The following PPFIA2 variants were observed in gnomAD, a reference collection of about 807,000 sequenced individuals.
PPFIA2 encodes the protein liprin-alpha-2.
Under a neutral mutation model 175.5 loss-of-function variants are expected in PPFIA2, and 46 were observed. The observed-to-expected ratio is 0.26, with a 90% CI of 0.21 to 0.34. PPFIA2 has a LOEUF of 0.34. Among genes scored for constraint, PPFIA2 ranks in the 10% least tolerant of loss-of-function variants. The pLI is 1.00. For missense variants in PPFIA2, 1,179 were observed against 1,506.1 expected (o/e 0.78, Z 3.60); for synonymous variants, 568 against 511.4 (o/e 1.11, Z -1.49).
At chr12:81,310,635 T>A (rs545449745) in intron 22 of PPFIA2, among the ~76,000 whole-genome samples, 1 of 152,258 alleles carries the variant, frequency 6.6e-6, no homozygotes, top group South Asian at 2.1e-4. Context: ...AAACTGTGTT[T>A]TAAAACTCAA....
At chr12:81,350,220 G>C (rs1023610561) in intron 17 of PPFIA2, among the ~76,000 whole-genome samples, 7 of 152,146 alleles carry the variant, frequency 4.6e-5, no homozygotes, top group Admixed American at 4.6e-4. Flanking sequence ...TCGACCATTA[G>C]CTGAACAGCC....
At chr12:81,380,043 G>A (rs536941742) in intron 9 of PPFIA2, among the ~76,000 whole-genome samples, 24 of 152,218 alleles carry the variant, frequency 1.6e-4, no homozygotes, top group African/African-American at 4.8e-4. Flanking sequence ...CAATGCTATA[G>A]GAGTATCAAG....
At chr12:81,328,812 TTC>T (rs2055417056) in intron 21 of PPFIA2, among the ~76,000 whole-genome samples, 1 of 109,238 alleles carries the variant, frequency 9.2e-6, no homozygotes, top group Non-Finnish European at 1.8e-5. Context: ...CTTTTTTTCT[TTC>T]TTTCTTTTTT....
At chr12:81,265,067 C>T (rs1037176484) in intron 30 of PPFIA2, among the ~76,000 whole-genome samples, 9 of 150,706 alleles carry the variant, frequency 6.0e-5, no homozygotes, top group Non-Finnish European at 1.3e-4. Flanking sequence ...CTGAGGTGGG[C>T]GGATCACCTG....
At chr12:81,524,601 A>T (rs2063528083) in intron 4 of PPFIA2, among the ~76,000 whole-genome samples, 1 of 152,234 alleles carries the variant, frequency 6.6e-6, no homozygotes, top group Non-Finnish European at 1.5e-5. Context: ...TTTGCCTCAG[A>T]ATGAATTGTA....
chr12:81,302,156 T>C (rs897252604), intron 22 of PPFIA2: 3 of 412,656 alleles, frequency 7.3e-6, no homozygotes, highest in Non-Finnish European at 9.6e-6. Context: ...GTTTTGTTTT[T>C]GTAGTCCAAA....
chr12:81,642,682 T>TATAATATA lies in PPFIA2; in HGVS notation c.303+34108_303+34109insTATATTAT, dbSNP rs1202577443. Among the ~76,000 whole-genome samples the TATAATATA allele has an allele frequency of 2.1e-5, 2 of 95,852 alleles. 1 individual carries two copies. Among genetic ancestry groups the TATAATATA allele is most frequent in the African/African-American group, 6.6e-5 (2 of 30,290 alleles). 62.9% of individuals were successfully genotyped at this position (95,852 alleles called of 152,430 possible). A position where few individuals can be genotyped will look rare whatever the true frequency, so the allele number is the denominator to read the frequency against. On this transcript the variant is annotated intron_variant, in intron 4 of 32. Transcript: ENST00000549396. The stretch of plus-strand genomic sequence containing the variant: ...TCTATTATATACATACATGTATGTA[T>TATAATATA]CTATTATATACATACATGTATATGT...
chr12:81,608,467 C>T (rs2060559807), intron 4 of PPFIA2, among the ~76,000 whole-genome samples: 1 of 151,962 alleles, frequency 6.6e-6, no homozygotes, highest in Admixed American at 6.6e-5. Flanking sequence ...GATTGAACTT[C>T]AGAACTTGTT....
At chr12:81,461,797 A>G (rs2054582648) in intron 4 of PPFIA2, among the ~76,000 whole-genome samples, 1 of 151,962 alleles carries the variant, frequency 6.6e-6, no homozygotes, top group African/African-American at 2.4e-5. Flanking sequence ...TGTGCCTCAA[A>G]TACTCTTCAT....
chr12:81,347,474 T>C (rs775749360), intron 18 of PPFIA2, 59 bp downstream of exon 18: 56 of 1,403,658 alleles, frequency 4.0e-5, no homozygotes, highest in Non-Finnish European at 5.6e-5. Context: ...AGTTAAGTTT[T>C]AGCTAAAGCA....
At chr12:81,272,095 C>T (rs896424850) in intron 28 of PPFIA2, among the ~76,000 whole-genome samples, 7 of 152,088 alleles carry the variant, frequency 4.6e-5, no homozygotes, top group East Asian at 1.9e-4. Context: ...TATTATGTTG[C>T]GCCATTGAAA....
intron 6 of PPFIA2, among the ~76,000 whole-genome samples, chr12:81,443,625 A>T (rs1037253984): frequency 5.9e-5 from 9 of 152,122 alleles, no homozygotes; most frequent in East Asian, 1.9e-4. Flanking sequence ...TTGTAAAAGC[A>T]TCCCTCAAGT....
chr12:81,491,961 T>C (rs1259560235), intron 4 of PPFIA2, among the ~76,000 whole-genome samples: 1 of 152,034 alleles, frequency 6.6e-6, no homozygotes, highest in East Asian at 1.9e-4. Context: ...CCTTCAATGT[T>C]TCTAAATCCT....
chr12:81,472,585 T>G (rs1229221469), intron 4 of PPFIA2: 1 of 152,196 alleles, frequency 6.6e-6, no homozygotes, highest in Non-Finnish European at 1.5e-5. Context: ...AGGGCCAGAC[T>G]CTGGACCTCA....
chr12:81,388,546 G>A (rs897247404), intron 8 of PPFIA2, among the ~76,000 whole-genome samples: 3 of 151,938 alleles, frequency 2.0e-5, no homozygotes, highest in African/African-American at 4.8e-5. Context: ...GCACTTCTAA[G>A]GTTTATGGGG....
At chr12:81,433,707 G>C (rs1289716708) in intron 7 of PPFIA2, among the ~76,000 whole-genome samples, 2 of 152,130 alleles carry the variant, frequency 1.3e-5, no homozygotes, top group African/African-American at 4.8e-5. Context: ...ACACTAGTCA[G>C]AATGAAGTGT....
At chr12:81,563,977 C>A (rs964101457) in intron 4 of PPFIA2, among the ~76,000 whole-genome samples, 1 of 152,116 alleles carries the variant, frequency 6.6e-6, no homozygotes, top group Non-Finnish European at 1.5e-5. Flanking sequence ...TAATACATAT[C>A]ATTGTGTCCA....
chr12:81,563,839 A>G (rs1166156049), intron 4 of PPFIA2, among the ~76,000 whole-genome samples: 1 of 152,210 alleles, frequency 6.6e-6, no homozygotes, highest in African/African-American at 2.4e-5. Context: ...GCTGAGAATC[A>G]TATGGTCCCA....
chr12:81,516,379 T>C (rs138747664), intron 4 of PPFIA2, among the ~76,000 whole-genome samples: 30 of 152,296 alleles, frequency 2.0e-4, no homozygotes, highest in African/African-American at 6.0e-4. Flanking sequence ...TAATTTGATA[T>C]ATAAAATAAA....
Sources: allele counts gnomAD v4.1 joint callset (sites outside exome capture counted in the v4.1 genomes callset), GRCh38; gene constraint gnomAD v4.1.1; transcripts MANE v1.5; gene names NCBI Gene and HGNC (gene_info 2026-07-23, HGNC 2026-07-21).